Variants in SGCD observed in about 807,000 individuals in gnomAD.
SGCD encodes the protein sarcoglycan delta, also known as delta-sarcoglycan.
A neutral mutation model predicts 36.6 loss-of-function variants in SGCD; 18 were observed. That is an observed-to-expected ratio of 0.49 (90% confidence interval 0.34 to 0.73). SGCD has a LOEUF of 0.73. SGCD is among the 30% of genes least tolerant of loss of function. The pLI, the probability that SGCD is intolerant of heterozygous loss-of-function variation, is 0.01. For missense variants in SGCD, 387 were observed against 346.7 expected, an observed-to-expected ratio of 1.12 and a Z score of -0.92; for synonymous variants, 133 against 130.6, an observed-to-expected ratio of 1.02 and a Z score of -0.12.
the SGCD span, among the ~76,000 whole-genome samples, chr5:155,838,327 T>C: frequency 6.6e-6 from 1 of 152,204 alleles, no homozygotes; most frequent in Non-Finnish European, 1.5e-5. Flanking sequence ...GTCCTCACAT[T>C]GCACTTGGTA....
chr5:156,018,905 AT>A, intron 1 of SGCD, among the ~76,000 whole-genome samples: 1 of 152,160 alleles, frequency 6.6e-6, no homozygotes, highest in East Asian at 1.9e-4. Context: ...TTTTTCCCGG[AT>A]TTTCATCAAA....
chr5:156,578,524 G>A (rs948446515), intron 4 of SGCD, among the ~76,000 whole-genome samples: 40 of 152,298 alleles, frequency 2.6e-4, no homozygotes, highest in African/African-American at 9.1e-4. Context: ...GAAGAATTCA[G>A]CTGTGAATCC....
chr5:156,720,007 G>A (rs1470621064), intron 7 of SGCD, among the ~76,000 whole-genome samples: 4 of 152,110 alleles, frequency 2.6e-5, no homozygotes, highest in African/African-American at 9.7e-5. Flanking sequence ...ATGCCTTACT[G>A]CTCCTTCCAG....
intron 1 of SGCD, among the ~76,000 whole-genome samples, chr5:155,918,476 T>G (rs1212322522): frequency 6.6e-6 from 1 of 152,104 alleles, no homozygotes; most frequent in Non-Finnish European, 1.5e-5. Flanking sequence ...GGCAGGAGAA[T>G]CGCTAGAACC....
intron 4 of SGCD, among the ~76,000 whole-genome samples, chr5:156,563,572 C>T (rs933311057): frequency 2.6e-5 from 4 of 152,244 alleles, no homozygotes; most frequent in Admixed American, 6.5e-5. Context: ...TCTTACTGTA[C>T]ACCCTCAAGT....
chr5:155,730,021 C>T, the SGCD span, among the ~76,000 whole-genome samples: 2 of 152,106 alleles, frequency 1.3e-5, no homozygotes, highest in Non-Finnish European at 2.9e-5. Context: ...GCCTAAACAC[C>T]AGGCGTTTTT....
chr5:156,010,258 C>T (rs545677692), intron 1 of SGCD, among the ~76,000 whole-genome samples: 4 of 152,256 alleles, frequency 2.6e-5, no homozygotes, highest in Non-Finnish European at 4.4e-5. Flanking sequence ...GATTAAATAA[C>T]ATCTTAATCT....
At chr5:155,858,705 A>T in the SGCD span, among the ~76,000 whole-genome samples, 1 of 152,200 alleles carries the variant, frequency 6.6e-6, no homozygotes, top group Non-Finnish European at 1.5e-5. Flanking sequence ...TAAAAATCCC[A>T]GCTTCTCATT....
chr5:156,097,701 C>T (rs1012341644), intron 1 of SGCD, among the ~76,000 whole-genome samples: 5 of 152,210 alleles, frequency 3.3e-5, no homozygotes, highest in South Asian at 2.1e-4. Flanking sequence ...ACATTCAATT[C>T]GTCTTGGTAT....
chr5:156,034,894 T>C (rs1759450315), intron 1 of SGCD, among the ~76,000 whole-genome samples: 1 of 152,230 alleles, frequency 6.6e-6, no homozygotes, highest in Admixed American at 6.5e-5. Flanking sequence ...TTAGTTAAAA[T>C]GTGTAGTTCA....
chr5:156,070,953 T>C (rs993639332), intron 1 of SGCD, among the ~76,000 whole-genome samples: 4 of 152,228 alleles, frequency 2.6e-5, no homozygotes, highest in Non-Finnish European at 5.9e-5. Flanking sequence ...TGGTAATTTG[T>C]ATTTCTGTGG....
chr5:156,526,847 T>C (rs1757662401), intron 4 of SGCD, among the ~76,000 whole-genome samples: 1 of 152,224 alleles, frequency 6.6e-6, no homozygotes, highest in South Asian at 2.1e-4. Context: ...TTGGCTGCCA[T>C]ACAATTAACA....
chr5:156,070,280 C>G (rs1324562265), intron 1 of SGCD, among the ~76,000 whole-genome samples: 5 of 151,966 alleles, frequency 3.3e-5, no homozygotes, highest in Admixed American at 6.5e-5. Flanking sequence ...TCATAGATAG[C>G]TCTCATTATT....
intron 3 of SGCD, among the ~76,000 whole-genome samples, chr5:156,154,652 G>A (rs541641587): frequency 1.3e-5 from 2 of 151,580 alleles, no homozygotes; most frequent in African/African-American, 4.9e-5. Context: ...AAGAACCATG[G>A]GAGACAAAAA....
intron 4 of SGCD, among the ~76,000 whole-genome samples, chr5:156,539,722 G>A (rs1197055055): frequency 6.6e-6 from 1 of 152,042 alleles, no homozygotes; most frequent in Non-Finnish European, 1.5e-5. Flanking sequence ...TATAAACATG[G>A]TTGTGCGTCT....
At chr5:156,479,250 G>A (rs1427018773) in intron 3 of SGCD, among the ~76,000 whole-genome samples, 5 of 151,708 alleles carry the variant, frequency 3.3e-5, no homozygotes, top group Admixed American at 3.3e-4. Context: ...GCACCACCAT[G>A]TCTGGCTAAT....
intron 7 of SGCD, among the ~76,000 whole-genome samples, chr5:156,725,372 T>A (rs1416597992): frequency 6.6e-6 from 1 of 152,206 alleles, no homozygotes; most frequent in Non-Finnish European, 1.5e-5. Context: ...TAGATATTAT[T>A]AAAACCACTT....
chr5:156,344,772 G>A, intron 3 of SGCD, 95 bp downstream of exon 3: 1 of 905,382 alleles, frequency 1.1e-6, no homozygotes, highest in Non-Finnish European at 1.7e-6. Flanking sequence ...TATTATTACA[G>A]TAGGACTCAA....
chr5:156,462,582 T>C (rs1310231613), intron 3 of SGCD, among the ~76,000 whole-genome samples: 1 of 152,182 alleles, frequency 6.6e-6, no homozygotes, highest in African/African-American at 2.4e-5. Context: ...TAACCTAACT[T>C]ATTAGAATTA....
Sources: gnomAD v4.1 joint callset for allele counts (sites outside exome capture counted in the v4.1 genomes callset) on GRCh38, gnomAD v4.1.1 for gene constraint, MANE v1.5 for transcripts, NCBI Gene and HGNC (gene_info 2026-07-23, HGNC 2026-07-21) for gene names.